Variants in SUPT3H observed in about 807,000 individuals in gnomAD.
SUPT3H encodes SPT3 homolog, SAGA and STAGA complex component.
In SUPT3H, 44 loss-of-function variants were observed where a neutral mutation model predicts 44.3. That is an observed-to-expected ratio of 0.99 (90% CI 0.78 to 1.28). The LOEUF (loss-of-function observed/expected upper bound fraction) is 1.28, where lower values mean the gene tolerates loss of function less well. Ranked by LOEUF, SUPT3H falls within the 50% of genes most tolerant of loss-of-function variation. The pLI is 0.00. For synonymous variants in SUPT3H, 124 were observed against 125.6 expected (o/e 0.99, Z 0.09); for missense variants, 380 against 387.1 (o/e 0.98, Z 0.15).
intron 2 of SUPT3H, among the ~76,000 whole-genome samples, chr6:45,346,196 A>G (rs1266056499): frequency 1.3e-5 from 2 of 152,098 alleles, no homozygotes; most frequent in East Asian, 3.8e-4. Flanking sequence ...TATGTGTGTA[A>G]GATTCTCACT....
chr6:44,889,499 T>C (rs1032359288), intron 10 of SUPT3H, among the ~76,000 whole-genome samples: 8 of 152,002 alleles, frequency 5.3e-5, no homozygotes, highest in East Asian at 3.9e-4. Context: ...CTGAGAAAAA[T>C]AAGCAATGGG....
At chr6:45,068,619 A>C (rs1793838166) in intron 3 of SUPT3H, among the ~76,000 whole-genome samples, 1 of 152,208 alleles carries the variant, frequency 6.6e-6, no homozygotes, top group African/African-American at 2.4e-5. Context: ...ATCATAAGAT[A>C]CTGACTAGTT....
chr6:44,904,456 T>G (rs1765642206), intron 10 of SUPT3H, among the ~76,000 whole-genome samples: 1 of 152,082 alleles, frequency 6.6e-6, no homozygotes, highest in South Asian at 2.1e-4. Context: ...GGAATCCAAC[T>G]TACAAGGGAC....
chr6:44,950,638 T>G (rs1008805419), intron 9 of SUPT3H, among the ~76,000 whole-genome samples: 28 of 151,952 alleles, frequency 1.8e-4, no homozygotes, highest in Admixed American at 1.3e-4. Flanking sequence ...TGAATTAATA[T>G]TAAACTTGCT....
intron 2 of SUPT3H, among the ~76,000 whole-genome samples, chr6:45,336,120 T>C (rs1264206824): frequency 6.6e-6 from 1 of 151,328 alleles, no homozygotes; most frequent in Non-Finnish European, 1.5e-5. Flanking sequence ...ATTCTTCTAT[T>C]CTCCCAGTTT....
At chr6:45,233,861 T>C (rs1023306214) in intron 2 of SUPT3H, among the ~76,000 whole-genome samples, 3 of 152,220 alleles carry the variant, frequency 2.0e-5, no homozygotes, top group Non-Finnish European at 4.4e-5. Flanking sequence ...CCCTTTCTAT[T>C]AACTCTTTTA....
chr6:44,963,180 A>T (rs991789807), intron 6 of SUPT3H, among the ~76,000 whole-genome samples: 3 of 152,060 alleles, frequency 2.0e-5, no homozygotes, highest in African/African-American at 7.2e-5. Context: ...ATGTATGTAA[A>T]CATCTTCTTG....
chr6:45,032,577 C>T (rs1228184332), intron 3 of SUPT3H, among the ~76,000 whole-genome samples: 2 of 152,070 alleles, frequency 1.3e-5, no homozygotes. Flanking sequence ...TCAGGATATT[C>T]CTGGGAGATT....
intron 2 of SUPT3H, among the ~76,000 whole-genome samples, chr6:45,204,563 ACCTCT>A (rs1489152279): frequency 1.3e-5 from 2 of 152,106 alleles, no homozygotes; most frequent in Non-Finnish European, 2.9e-5. Flanking sequence ...TATATTCTCC[ACCTCT>A]GCATCAAACA....
intron 2 of SUPT3H, among the ~76,000 whole-genome samples, chr6:45,254,120 CTATT>C (rs1239550800): frequency 6.6e-6 from 1 of 151,868 alleles, no homozygotes; most frequent in Non-Finnish European, 1.5e-5. Flanking sequence ...GGGACCCACT[CTATT>C]TGGCAACTGG....
At chr6:44,874,798 C>A (rs1776973022) in intron 10 of SUPT3H, among the ~76,000 whole-genome samples, 1 of 133,056 alleles carries the variant, frequency 7.5e-6, no homozygotes, top group African/African-American at 2.9e-5. Flanking sequence ...GCAACTTCAG[C>A]AAAGTCTCAG....
chr6:45,110,448 T>C (rs1361858352), intron 2 of SUPT3H, among the ~76,000 whole-genome samples: 3 of 152,204 alleles, frequency 2.0e-5, no homozygotes, highest in Admixed American at 2.0e-4. Context: ...CCCAATACTA[T>C]CTAAAATTAG....
intron 3 of SUPT3H, among the ~76,000 whole-genome samples, chr6:45,065,031 C>T (rs1792998641): frequency 6.6e-6 from 1 of 150,974 alleles, no homozygotes; most frequent in South Asian, 2.1e-4. Flanking sequence ...CACACCACAC[C>T]TATTCCAAAA....
chr6:44,985,120 C>A (rs1779599116), intron 6 of SUPT3H, among the ~76,000 whole-genome samples: 1 of 150,584 alleles, frequency 6.6e-6, no homozygotes, highest in South Asian at 2.1e-4. Flanking sequence ...GGAAAGACTG[C>A]TTGAGGCCAG....
chr6:45,221,904 C>T (rs1407474812), intron 2 of SUPT3H, among the ~76,000 whole-genome samples: 2 of 152,070 alleles, frequency 1.3e-5, no homozygotes, highest in Non-Finnish European at 2.9e-5. Flanking sequence ...ACAATAAATA[C>T]AGTGTGGTAC....
intron 2 of SUPT3H, among the ~76,000 whole-genome samples, chr6:45,163,814 A>G (rs1389947375): frequency 6.6e-6 from 1 of 151,708 alleles, no homozygotes; most frequent in Admixed American, 6.6e-5. Context: ...AAAAAAAAAA[A>G]GCAAGAGGTC....
intron 10 of SUPT3H, among the ~76,000 whole-genome samples, chr6:44,869,648 A>T (rs1391191629): frequency 1.3e-5 from 2 of 152,322 alleles, no homozygotes; most frequent in East Asian, 3.9e-4. Context: ...TGAATCAGAA[A>T]GCTCTTTTCT....
chr6:45,321,428 A>G (rs1431347727), intron 2 of SUPT3H, among the ~76,000 whole-genome samples: 2 of 152,012 alleles, frequency 1.3e-5, no homozygotes, highest in Non-Finnish European at 2.9e-5. Flanking sequence ...TGACACATTT[A>G]TTTTACAAAT....
intron 2 of SUPT3H, among the ~76,000 whole-genome samples, chr6:45,178,146 C>T (rs529939269): frequency 7.9e-5 from 12 of 152,096 alleles, no homozygotes; most frequent in Middle Eastern, 3.4e-3. Flanking sequence ...AGAGTCAAGA[C>T]CCATCAGTGT....
Sources: allele counts gnomAD v4.1 joint callset (sites outside exome capture counted in the v4.1 genomes callset), GRCh38; gene constraint gnomAD v4.1.1; transcripts MANE v1.5; gene names NCBI Gene and HGNC (gene_info 2026-07-23, HGNC 2026-07-21).